OR9K2: variants seen among roughly 807,000 people sequenced by gnomAD.
The protein encoded by OR9K2 is olfactory receptor 9K2.
In OR9K2, 16 loss-of-function variants were observed where a neutral mutation model predicts 12.4. The ratio of observed to expected loss-of-function variants is 1.29; its 90% CI spans 0.87 to 1.95. The LOEUF (loss-of-function observed/expected upper bound fraction) is 1.95. OR9K2 is among the 30% of genes most tolerant of loss of function. OR9K2 has a pLI of 0.00. For synonymous variants in OR9K2, 133 were observed against 133.2 expected (o/e 1.00, Z 0.01); for missense variants, 434 against 376.5 (o/e 1.15, Z -1.26).
In OR9K2 at chr12:55,130,737, T is replaced by C. The variant is rs754175497; in HGVS notation, c.903T>C (p.Ala301=). ...TGAGGAACAAAGATGTCCAAGAGGC[T>C]CTAAAAAAATTTCTAGAGAAGAAAA... ...YSLRNKDVQE[A]LKKFLEKKNI... is the part of the protein sequence containing the mutation. Residue 301 remains alanine, a synonymous_variant, in exon 3 of 3, where the codon GCT becomes GCC. Transcript: ENST00000641329. 4.4e-6 allele frequency: 7 copies of C among 1,578,252 alleles called. No homozygotes were observed. The highest frequency in any genetic ancestry group is 2.2e-5 in the East Asian group (1 of 44,732).
chr12:55,129,607 A>G, intron 2 of OR9K2: 1 of 603,718 alleles, frequency 1.7e-6, no homozygotes, highest in Non-Finnish European at 2.9e-6. Context: ...GAGGCAAAAA[A>G]CCTAACTCTA....
In OR9K2 at chr12:55,130,374, T is replaced by G. The variant is rs1953463597; in HGVS notation, c.540T>G (p.Phe180Leu). 1.2e-6 allele frequency: 2 copies of G among 1,614,074 alleles called. No individual in the cohort carries two copies. Among genetic ancestry groups the G allele is most frequent in the Non-Finnish European group, 1.7e-6 (2 of 1,179,974 alleles). The change falls in exon 3 of 3, where the codon TTT becomes TTG. Residue 180 changes from phenylalanine (F) to leucine (L), a missense_variant. Phe to Leu is a conservative substitution (Grantham distance 22). Transcript: ENST00000641329. ...SFCASRAVDH[F>L]YCDSRPLQRL... ...GCGCTTCTCGGGCTGTTGACCACTT[T>G]TACTGTGATTCTCGCCCACTTCAGA...
chr12:55,126,990 AACTC>A (rs1953433459), intron 2 of OR9K2, 79 bp downstream of exon 2: 2 of 152,042 alleles, frequency 1.3e-5, no homozygotes, highest in Non-Finnish European at 2.9e-5. Flanking sequence ...CTGCGGGAAT[AACTC>A]CCTTTTCCAG....
intron 2 of OR9K2, chr12:55,129,566 A>G (rs17117014): frequency 0.017 from 9,431 of 547,976 alleles, 703 homozygotes; most frequent in African/African-American, 0.16. Context: ...TGTGAAAGGC[A>G]TTTGGGTAGA....
rs756297180 is a variant in OR9K2 at position 55,130,018 on chromosome 12, A to G, written c.184A>G (p.Met62Val). 17 of 1,613,452 alleles carry G rather than the reference A, an allele frequency of 1.1e-5. No homozygotes were observed. Among genetic ancestry groups the G allele is most frequent in the East Asian group, 4.5e-5 (2 of 44,890 alleles). ...GACTGATCCTCGGCTGAACACACCA[A>G]TGTATTTTTTCCTAGGCAATCTCTC... ...IMTDPRLNTP[M>V]YFFLGNLSFI... is the part of the protein sequence containing the mutation. Residue 62 changes from methionine (M) to valine (V), a missense_variant, in exon 3 of 3, where the codon ATG becomes GTG. Physicochemically the swap from Met to Val is conservative, Grantham distance 21. Coordinates refer to ENST00000641329, the MANE Select transcript of OR9K2 (RefSeq NM_001005243.2).
chr12:55,129,919 C>G lies in OR9K2; in HGVS notation c.85C>G (p.Leu29Val), dbSNP rs758801915. Reference protein sequence around the residue: ...GFRVRPELHILLFLLFLFVYA... With the variant: ...GFRVRPELHIVLFLLFLFVYA... ...CAGGGTACGCCCAGAGCTCCACATT[C>G]TCCTCTTCCTGCTATTTTTGTTTGT... The change falls in exon 3 of 3, where the codon CTC becomes GTC. Residue 29 changes from leucine to valine, a missense_variant. By Grantham distance (32) the Leu-to-Val change is conservative (BLOSUM62 1). Coordinates refer to ENST00000641329, the MANE Select transcript of OR9K2 (RefSeq NM_001005243.2). 3.7e-6 allele frequency: 6 copies of G among 1,613,932 alleles called. No homozygotes were observed. The South Asian group carries it at 5.5e-5, about 15-fold the overall frequency.
At chr12:55,127,420 G>A (rs1170692851) in intron 2 of OR9K2, among the ~76,000 whole-genome samples, 1 of 151,872 alleles carries the variant, frequency 6.6e-6, no homozygotes, top group Admixed American at 6.6e-5. Context: ...GCTGACTTCA[G>A]TCAGCTTTCT....
At chr12:55,128,861 C>A (rs1953447263) in intron 2 of OR9K2, among the ~76,000 whole-genome samples, 1 of 152,100 alleles carries the variant, frequency 6.6e-6, no homozygotes, top group African/African-American at 2.4e-5. Flanking sequence ...TAAAGTAACT[C>A]TTTTATCTGT....
Position 55,130,302 on chromosome 12 carries a change from C to T in OR9K2, c.468C>T (p.Cys156=), listed in dbSNP as rs772610670. The change falls in exon 3 of 3, where the codon TGC becomes TGT. Residue 156 remains cysteine (C), a synonymous_variant. Transcript: ENST00000641329. ...TGGCTGGTTCCTATTTTTGTGGCTG[C>T]ATTAGCTCAGTTATTCAGACTAGCA... The part of the protein sequence containing the change: ...QLVAGSYFCG[C]ISSVIQTSMT... The T allele has an allele frequency of 6.2e-7, 1 of 1,613,112 alleles. No individual in the cohort carries two copies. Among genetic ancestry groups the T allele is most frequent in the Non-Finnish European group, 8.5e-7 (1 of 1,179,886 alleles).
chr12:55,128,556 A>G (rs1330303850), intron 2 of OR9K2, among the ~76,000 whole-genome samples: 1 of 152,012 alleles, frequency 6.6e-6, no homozygotes, highest in Admixed American at 6.6e-5. Context: ...GGAATATAAT[A>G]ATAACCACCT....
Position 55,129,949 on chromosome 12 carries a change from G to A in OR9K2, c.115G>A (p.Ala39Thr). Residue 39 changes from alanine (A) to threonine (T), a missense_variant, in exon 3 of 3, where the codon GCC becomes ACC. Physicochemically the swap from Ala to Thr is moderately conservative, Grantham distance 58 (BLOSUM62 0). Coordinates refer to ENST00000641329, the MANE Select transcript of OR9K2 (RefSeq NM_001005243.2). The stretch of plus-strand genomic sequence containing the variant: ...CTTCCTGCTATTTTTGTTTGTTTAT[G>A]CCATGATCCTTCTAGGGAATGTTGG... ...LLFLLFLFVY[A>T]MILLGNVGMM... is the part of the protein sequence containing the mutation. 6.2e-7 allele frequency: 1 copy of A among 1,613,962 alleles called. No individual in the cohort carries two copies. The highest frequency in any genetic ancestry group is 8.5e-7 in the Non-Finnish European group (1 of 1,179,926).
intron 2 of OR9K2, chr12:55,129,601 C>G (rs1214076829): frequency 1.7e-6 from 1 of 594,264 alleles, no homozygotes; most frequent in East Asian, 2.8e-5. Flanking sequence ...GATGCAGAGG[C>G]AAAAAACCTA....
In OR9K2 at chr12:55,129,969, T is replaced by C; in HGVS notation, c.135T>C (p.Asn45=). The C allele has an allele frequency of 6.2e-7, 1 of 1,614,000 alleles. No individual in the cohort carries two copies. The highest frequency in any genetic ancestry group is 2.2e-5 in the East Asian group (1 of 44,878). The change falls in exon 3 of 3, where the codon AAT becomes AAC. Residue 45 remains asparagine, a synonymous_variant. Coordinates refer to ENST00000641329, the MANE Select transcript of OR9K2 (RefSeq NM_001005243.2). ...TTTATGCCATGATCCTTCTAGGGAA[T>C]GTTGGGATGATGACCATTATTATGA... The part of the protein sequence containing the change: ...LFVYAMILLG[N]VGMMTIIMTD...
chr12:55,127,955 G>A (rs11171306), intron 2 of OR9K2, among the ~76,000 whole-genome samples: 2 of 151,918 alleles, frequency 1.3e-5, no homozygotes, highest in Admixed American at 6.6e-5. Flanking sequence ...TAAGTAACTT[G>A]TCCAAGATCC....
chr12:55,128,089 CA>C, intron 2 of OR9K2, among the ~76,000 whole-genome samples: 1 of 151,888 alleles, frequency 6.6e-6, no homozygotes, highest in Non-Finnish European at 1.5e-5. Flanking sequence ...TGATCATTAT[CA>C]TTCAACTTTT....
rs753232661 is a variant in OR9K2 at position 55,129,997 on chromosome 12, G to C, written c.163G>C (p.Asp55His). The C allele has an allele frequency of 6.2e-7, 1 of 1,613,860 alleles. No homozygotes were observed. Among genetic ancestry groups the C allele is most frequent in the Admixed American group, 1.7e-5 (1 of 60,016 alleles). Residue 55 changes from aspartate (D) to histidine (H), a missense_variant, in exon 3 of 3, where the codon GAT becomes CAT. Coordinates refer to ENST00000641329, the MANE Select transcript of OR9K2 (RefSeq NM_001005243.2). ...NVGMMTIIMT[D>H]PRLNTPMYFF... ...TGGGATGATGACCATTATTATGACTGATCCTCGGCTGAACACACCAATGTA... is the reference window on the plus strand; with the variant it reads ...TGGGATGATGACCATTATTATGACTCATCCTCGGCTGAACACACCAATGTA...
Position 55,130,970 on chromosome 12 carries a change from G to T in OR9K2, c.*194G>T. On this transcript the variant is annotated 3_prime_UTR_variant, in exon 3 of 3. Coordinates refer to ENST00000641329, the MANE Select transcript of OR9K2 (RefSeq NM_001005243.2). ...AAATCTTGGATATTGGAGATATCCT[G>T]GACATTAGAGAAGTATTTTCATGAT... 2.2e-6 allele frequency: 1 copy of T among 455,826 alleles called. No individual in the cohort carries two copies. The highest frequency in any genetic ancestry group is 3.9e-6 in the Non-Finnish European group (1 of 258,148). 28.2% of individuals were successfully genotyped at this position (455,826 alleles called of 1,614,324 possible).
rs118155337 is a variant in OR9K2 at position 55,130,011 on chromosome 12, C to G, written c.177C>G (p.Asn59Lys). The change falls in exon 3 of 3, where the codon AAC (asparagine) becomes AAG (lysine). Residue 59 changes from asparagine to lysine, a missense_variant. Coordinates refer to ENST00000641329, the MANE Select transcript of OR9K2 (RefSeq NM_001005243.2). ...MTIIMTDPRLNTPMYFFLGNL... is the reference protein window; with the variant it reads ...MTIIMTDPRLKTPMYFFLGNL... The stretch of plus-strand genomic sequence containing the variant: ...TTATTATGACTGATCCTCGGCTGAA[C>G]ACACCAATGTATTTTTTCCTAGGCA... 5.6e-6 allele frequency: 9 copies of G among 1,613,584 alleles called. No homozygotes were observed.
At position 55,130,256 on chromosome 12, in the gene OR9K2, C is replaced by T; in HGVS notation, c.422C>T (p.Thr141Ile). ...CTGCTCTACTCTGTTCAAATGTCCACACGTCTGTGTACTCAGTTGGTGGCT... is the reference window on the plus strand; with the variant it reads ...CTGCTCTACTCTGTTCAAATGTCCATACGTCTGTGTACTCAGTTGGTGGCT... ...NPLLYSVQMS[T>I]RLCTQLVAGS... The change falls in exon 3 of 3, where the codon ACA (threonine) becomes ATA (isoleucine). Residue 141 changes from threonine (T) to isoleucine (I), a missense_variant. By Grantham distance (89) the Thr-to-Ile change is moderately conservative. Coordinates refer to ENST00000641329, the MANE Select transcript of OR9K2 (RefSeq NM_001005243.2). The T allele has an allele frequency of 1.2e-6, 2 of 1,614,080 alleles. No individual in the cohort carries two copies. Among genetic ancestry groups the T allele is most frequent in the Middle Eastern group, 3.3e-4 (2 of 6,060 alleles).
Sources: gnomAD v4.1 joint callset for allele counts (sites outside exome capture counted in the v4.1 genomes callset) on GRCh38, gnomAD v4.1.1 for gene constraint, MANE v1.5 for transcripts, NCBI Gene and HGNC (gene_info 2026-07-23, HGNC 2026-07-21) for gene names.